The following FBXL5 variants were observed in gnomAD, a reference collection of about 807,000 sequenced individuals.
The protein encoded by FBXL5 is F-box/LRR-repeat protein 5.
Under a neutral mutation model 78.3 loss-of-function variants are expected in FBXL5, and 26 were observed. The observed-to-expected ratio is 0.33, with a 90% CI of 0.24 to 0.46. FBXL5 has a LOEUF of 0.46. FBXL5 is among the 20% of genes least tolerant of loss of function. FBXL5 has a pLI of 1.00. For synonymous variants in FBXL5, 295 were observed against 282.5 expected (o/e 1.04, Z -0.45); for missense variants, 710 against 829.2 (o/e 0.86, Z 1.77).
Position 15,644,625 on chromosome 4 carries a change from C to G in FBXL5, c.168G>C (p.Met56Ile). 1 of 1,614,032 alleles carries G rather than the reference C, an allele frequency of 6.2e-7. No individual in the cohort carries two copies. Among genetic ancestry groups the G allele is most frequent in the Non-Finnish European group, 8.5e-7 (1 of 1,179,980 alleles). ...TGTATTCATTTTCAATCTGCTCATG[C>G]ATTTTGAACTCCTTGAAAGTAGCAT... ...SLYATFKEFKMHEQIENEYII... is the reference protein window; with the variant it reads ...SLYATFKEFKIHEQIENEYII... Residue 56 changes from methionine (M) to isoleucine (I), a missense_variant, in exon 2 of 11, where the codon ATG (methionine) becomes ATC (isoleucine). By Grantham distance (10) the Met-to-Ile change is conservative. Coordinates refer to ENST00000341285, the MANE Select transcript of FBXL5 (RefSeq NM_012161.4).
intron 9 of FBXL5, among the ~76,000 whole-genome samples, chr4:15,618,403 A>T (rs1712126841): frequency 1.3e-5 from 2 of 152,222 alleles, no homozygotes; most frequent in African/African-American, 2.4e-5. Flanking sequence ...TACTCTCATA[A>T]TCCAGAAACT....
chr4:15,679,265 G>C (rs1718109883), intron 1 of FBXL5, among the ~76,000 whole-genome samples: 1 of 151,946 alleles, frequency 6.6e-6, no homozygotes, highest in Non-Finnish European at 1.5e-5. Flanking sequence ...GTTTCACCAT[G>C]TTGGTCAGGA....
intron 1 of FBXL5, 125 bp from the exon 2 acceptor site, chr4:15,644,833 C>T: frequency 1.6e-6 from 1 of 641,768 alleles, no homozygotes; most frequent in Non-Finnish European, 2.6e-6. Flanking sequence ...GGTTAAAGTA[C>T]AAATAAAAGA....
intron 1 of FBXL5, among the ~76,000 whole-genome samples, chr4:15,651,993 T>C (rs1716127960): frequency 1.3e-5 from 2 of 152,216 alleles, no homozygotes; most frequent in South Asian, 2.1e-4. Flanking sequence ...CTAGCATAGA[T>C]GTTATTACAT....
At position 15,666,023 on chromosome 4, in the gene FBXL5, T is replaced by TTA. The variant is rs758645950; in HGVS notation, c.-283-6102_-283-6101insTA. Among the ~76,000 whole-genome samples, 8 of 148,260 alleles carry TTA rather than the reference T, an allele frequency of 5.4e-5. No individual in the cohort carries two copies. The South Asian group carries it at 1.1e-3, about 20-fold the overall frequency. ...CAATTTCCTACTGACAACCTTTTTT[T>TTA]AAAAAAAAAAAAATGACCATTTCCT... On this transcript the variant is annotated intron_variant, in intron 1 of 4. Transcript: ENST00000507899.
At chr4:15,657,048 T>C (rs531244399), upstream of FBXL5, among the ~76,000 whole-genome samples, 286 of 152,326 alleles carry the variant, frequency 1.9e-3, 1 homozygote, top group African/African-American at 6.4e-3. Context: ...AATAATAAAA[T>C]ATTTGATAAA....
At chr4:15,606,188 C>T (rs956417054) in intron 10 of FBXL5, among the ~76,000 whole-genome samples, 1 of 152,014 alleles carries the variant, frequency 6.6e-6, no homozygotes, top group Non-Finnish European at 1.5e-5. Context: ...TAACTATAAT[C>T]GATCAGCTAA....
chr4:15,622,826 A>G (rs1385859350), intron 9 of FBXL5, among the ~76,000 whole-genome samples: 1 of 152,214 alleles, frequency 6.6e-6, no homozygotes, highest in Non-Finnish European at 1.5e-5. Context: ...GACAGATCCT[A>G]CGTGTTCCCT....
In FBXL5 at chr4:15,651,507, C is replaced by A. The variant is rs77774640; in HGVS notation, c.84+3697G>T. ...TCCCTTTTCCTTCTTCCACAGGTCT[C>A]AATTCAATATTTTCTCCACTAAGCC... On this transcript the variant is annotated intron_variant, in intron 1 of 10. Transcript: ENST00000341285. Among the ~76,000 whole-genome samples the A allele has an allele frequency of 8.0e-3, 1,213 of 152,238 alleles. 15 individuals are homozygous for A. Among genetic ancestry groups the A allele is most frequent in the African/African-American group, 0.026 (1,068 of 41,512 alleles).
At chr4:15,630,919 C>T in intron 5 of FBXL5, 128 bp from the exon 6 acceptor site, 1 of 1,209,000 alleles carries the variant, frequency 8.3e-7, no homozygotes, top group Non-Finnish European at 1.1e-6. Context: ...CAATAAGCAA[C>T]TGTTTTTTTT....
At chr4:15,674,676 G>C (rs1369710075) in intron 1 of FBXL5, among the ~76,000 whole-genome samples, 4 of 149,154 alleles carry the variant, frequency 2.7e-5, no homozygotes, top group African/African-American at 4.9e-5. Context: ...TTGAGACAGA[G>C]TCTCACTCTG....
upstream of FBXL5, among the ~76,000 whole-genome samples, chr4:15,655,982 G>A (rs1322259447): frequency 6.6e-6 from 1 of 152,212 alleles, no homozygotes; most frequent in Non-Finnish European, 1.5e-5. Flanking sequence ...TGGGTGCGAG[G>A]GGCGGGGCAG....
chr4:15,678,207 C>T (rs1718066176), intron 1 of FBXL5, among the ~76,000 whole-genome samples: 1 of 152,154 alleles, frequency 6.6e-6, no homozygotes, highest in Non-Finnish European at 1.5e-5. Flanking sequence ...TGTTAAGTCT[C>T]AAAACAGGCA....
intron 10 of FBXL5, among the ~76,000 whole-genome samples, chr4:15,609,712 T>C (rs1013991385): frequency 1.3e-5 from 2 of 152,080 alleles, no homozygotes; most frequent in African/African-American, 2.4e-5. Context: ...AGAAGACTTT[T>C]CAAATCTTAT....
intron 9 of FBXL5, 137 bp from the exon 10 acceptor site, chr4:15,612,551 ATAAC>A: frequency 4.1e-6 from 3 of 731,240 alleles, no homozygotes; most frequent in Non-Finnish European, 4.4e-6. Context: ...TAAAACACTG[ATAAC>A]TAACCTCATC....
intron 10 of FBXL5, among the ~76,000 whole-genome samples, chr4:15,611,225 G>A (rs1217669887): frequency 6.6e-6 from 1 of 152,060 alleles, no homozygotes; most frequent in Non-Finnish European, 1.5e-5. Context: ...TGAAATAAGA[G>A]AGCTACCATC....
At chr4:15,678,493 C>A (rs1199898777) in intron 1 of FBXL5, among the ~76,000 whole-genome samples, 1 of 152,066 alleles carries the variant, frequency 6.6e-6, no homozygotes. Flanking sequence ...TTCATGCAAA[C>A]GAAGAAAAGC....
rs200271958 is a variant in FBXL5, at chr4:15,644,583, T to C, written c.210A>G (p.Gln70=). ...IENEYIIGLL[Q]QRSQTIYNVH... is the part of the protein sequence containing the mutation. ...CATTATAAATGGTCTGGCTGCGTTG[T>C]TGAAGCAAACCAATAATGTATTCAT... The change falls in exon 2 of 11, where the codon CAA becomes CAG. Residue 70 remains glutamine (Q), a synonymous_variant. Transcript: ENST00000341285. 88 of 1,614,174 alleles carry C rather than the reference T, an allele frequency of 5.5e-5. No homozygotes were observed. Among genetic ancestry groups the C allele is most frequent in the Non-Finnish European group, 5.4e-5 (64 of 1,180,014 alleles).
chr4:15,626,091 T>G, intron 8 of FBXL5, 114 bp from the exon 9 acceptor site: 1 of 943,030 alleles, frequency 1.1e-6, no homozygotes, highest in Middle Eastern at 2.3e-4. Context: ...TATAATCACT[T>G]AAGTATTTAG....
Sources: gnomAD v4.1 joint callset for allele counts (sites outside exome capture counted in the v4.1 genomes callset) on GRCh38, gnomAD v4.1.1 for gene constraint, MANE v1.5 for transcripts, NCBI Gene and HGNC (gene_info 2026-07-23, HGNC 2026-07-21) for gene names.